The following HBS1L variants were observed in gnomAD, a reference collection of about 807,000 sequenced individuals.
HBS1L encodes the protein HBS1-like protein.
HBS1L carries 55 observed loss-of-function variants against 88.9 expected under a neutral mutation model. The ratio of observed to expected loss-of-function variants is 0.62; its 90% CI spans 0.50 to 0.77. The LOEUF (loss-of-function observed/expected upper bound fraction) is 0.77. Ranked by LOEUF, HBS1L falls within the 30% of genes least tolerant of loss-of-function variation. The pLI, the probability that HBS1L is intolerant of heterozygous loss-of-function variation, is 0.00. For synonymous variants in HBS1L, 267 were observed against 288.5 expected, an observed-to-expected ratio of 0.93 and a Z score of 0.76; for missense variants, 741 against 829.3, an observed-to-expected ratio of 0.89 and a Z score of 1.31.
At position 134,982,620 on chromosome 6, in the gene HBS1L, C is replaced by A. The variant is rs556175375; in HGVS notation, c.1493-58G>T. On this transcript the variant is annotated intron_variant, in intron 12 of 17. Transcript: ENST00000367837. The stretch of plus-strand genomic sequence containing the variant: ...CAGCAATGTTATCTGATGATTAATA[C>A]CGTTAACTATACTTAGTTCTCAAGT... The A allele has an allele frequency of 3.7e-4, 339 of 905,308 alleles. 1 individual carries two copies. In the South Asian group the frequency reaches 4.6e-3, roughly 12 times the overall value. 56.1% of individuals were successfully genotyped at this position (905,308 alleles called of 1,614,324 possible). A position where few individuals can be genotyped will look rare whatever the true frequency, so the allele number is the denominator to read the frequency against.
chr6:135,040,628 G>A (rs1776705192), intron 3 of HBS1L, among the ~76,000 whole-genome samples: 1 of 152,040 alleles, frequency 6.6e-6, no homozygotes, highest in Non-Finnish European at 1.5e-5. Context: ...GGGATTACAA[G>A]CGTGAGCCAC....
intron 4 of HBS1L, among the ~76,000 whole-genome samples, chr6:135,018,238 T>A (rs1775977508): frequency 6.6e-6 from 1 of 152,084 alleles, no homozygotes; most frequent in South Asian, 2.1e-4. Context: ...ATTCAGAAAG[T>A]ACACCACCTC....
Position 135,037,196 on chromosome 6 carries a change from G to A in HBS1L, c.430+2377C>T, listed in dbSNP as rs193183969. ...GATATTCCGGGTGAAGACTGACAGC[G>A]ATTTGCTAATTGTGACAGGGGAAAG... On this transcript the variant is annotated intron_variant, in intron 4 of 17. Coordinates refer to ENST00000367837, the MANE Select transcript of HBS1L (RefSeq NM_006620.4). The A allele has an allele frequency of 2.9e-3, 4,519 of 1,551,756 alleles. 12 individuals carry two copies. Among genetic ancestry groups the A allele is most frequent in the Non-Finnish European group, 3.6e-3 (4,125 of 1,146,990 alleles).
intron 5 of HBS1L, 32 bp from the exon 6 acceptor site, chr6:134,997,688 A>C (rs1340947580): frequency 6.2e-7 from 1 of 1,601,050 alleles, no homozygotes; most frequent in African/African-American, 1.3e-5. Context: ...AAAGTATTTG[A>C]AACCAACTCT....
chr6:135,032,163 T>A (rs1283541978), intron 4 of HBS1L, among the ~76,000 whole-genome samples: 2 of 152,066 alleles, frequency 1.3e-5, no homozygotes, highest in Non-Finnish European at 2.9e-5. Context: ...AGTTTGTTTT[T>A]TAATTTGTTT....
chr6:134,994,123 ATTATC>A (rs1236919245), intron 7 of HBS1L, among the ~76,000 whole-genome samples: 1 of 152,142 alleles, frequency 6.6e-6, no homozygotes, highest in Non-Finnish European at 1.5e-5. Flanking sequence ...GTTATGCCCT[ATTATC>A]TTATTTGTTT....
At chr6:134,984,402 G>A (rs1299643114) in intron 12 of HBS1L, among the ~76,000 whole-genome samples, 1 of 152,178 alleles carries the variant, frequency 6.6e-6, no homozygotes, top group African/African-American at 2.4e-5. Context: ...CATAATCTAA[G>A]TGGGATAAAC....
chr6:135,050,045 T>C (rs1461409803), intron 2 of HBS1L, among the ~76,000 whole-genome samples: 1 of 152,250 alleles, frequency 6.6e-6, no homozygotes, highest in Non-Finnish European at 1.5e-5. Context: ...AGAAGAAATC[T>C]TTGGGCTGAT....
At chr6:135,009,736 C>A (rs1775719484) in intron 4 of HBS1L, among the ~76,000 whole-genome samples, 1 of 151,980 alleles carries the variant, frequency 6.6e-6, no homozygotes, top group African/African-American at 2.4e-5. Context: ...TGGGTTCACG[C>A]CATTCTCCGA....
In HBS1L at chr6:134,979,259, A is replaced by G; in HGVS notation, c.1607T>C (p.Leu536Pro). 6.2e-7 allele frequency: 1 copy of G among 1,611,492 alleles called. No homozygotes were observed. Among genetic ancestry groups the G allele is most frequent in the Non-Finnish European group, 8.5e-7 (1 of 1,178,130 alleles). The change falls in exon 14 of 18, where the codon CTG becomes CCG. Residue 536 changes from leucine (L) to proline (P), a missense_variant. Physicochemically the swap from Leu to Pro is moderately conservative, Grantham distance 98. Around this residue, in one of 3 missense-constraint regions of HBS1L, gnomAD observed 181 missense variants for 212.7 expected, o/e 0.85. Coordinates refer to ENST00000367837, the MANE Select transcript of HBS1L (RefSeq NM_006620.4). ...CGCCCAGTCGACAGGTTCATCATGC[A>G]GAGTGATTCCTGGAAATGAGTAAGA... ...NETCTVKGIT[L>P]HDEPVDWAAA...
chr6:135,008,071 A>G (rs1308515908), intron 4 of HBS1L, among the ~76,000 whole-genome samples: 3 of 152,200 alleles, frequency 2.0e-5, no homozygotes, highest in Non-Finnish European at 4.4e-5. Flanking sequence ...CTAGCCCACT[A>G]TGAGATAAAA....
chr6:134,987,111 T>C (rs1774999789), intron 9 of HBS1L, among the ~76,000 whole-genome samples: 1 of 152,010 alleles, frequency 6.6e-6, no homozygotes, highest in South Asian at 2.1e-4. Context: ...CAAAAGTAAA[T>C]GTTTAATAAA....
At chr6:135,019,576 C>T (rs945459531) in intron 4 of HBS1L, among the ~76,000 whole-genome samples, 11 of 151,778 alleles carry the variant, frequency 7.2e-5, no homozygotes, top group African/African-American at 2.4e-4. Context: ...ATAGATTCGG[C>T]GTAATCCTTA....
chr6:134,983,386 G>C (rs1774888492), intron 12 of HBS1L: 1 of 152,112 alleles, frequency 6.6e-6, no homozygotes, highest in African/African-American at 2.4e-5. Flanking sequence ...ACTTACTACA[G>C]AAAGGGAATA....
chr6:135,039,371 A>G (rs1214666140), intron 4 of HBS1L, among the ~76,000 whole-genome samples: 1 of 152,072 alleles, frequency 6.6e-6, no homozygotes, highest in Non-Finnish European at 1.5e-5. Flanking sequence ...ATAACCACAA[A>G]AACAGGCTAC....
At chr6:134,991,770 T>C (rs1775146017) in intron 8 of HBS1L, among the ~76,000 whole-genome samples, 1 of 152,198 alleles carries the variant, frequency 6.6e-6, no homozygotes, top group South Asian at 2.1e-4. Flanking sequence ...CAAATGTTCA[T>C]GTTAAAATTC....
intron 17 of HBS1L, among the ~76,000 whole-genome samples, chr6:134,965,718 A>C (rs1774293974): frequency 6.6e-6 from 1 of 152,214 alleles, no homozygotes; most frequent in South Asian, 2.1e-4. Flanking sequence ...AAACTGGTGG[A>C]GCAAGAACAC....
intron 1 of HBS1L, among the ~76,000 whole-genome samples, chr6:135,053,255 G>A (rs1007510331): frequency 6.6e-6 from 1 of 152,036 alleles, no homozygotes; most frequent in Non-Finnish European, 1.5e-5. Context: ...CTCCCATAGC[G>A]TTTTCTCAGT....
At chr6:134,966,923 T>A (rs1774332558) in intron 16 of HBS1L, among the ~76,000 whole-genome samples, 1 of 147,446 alleles carries the variant, frequency 6.8e-6, no homozygotes, top group African/African-American at 2.7e-5. Context: ...ATTTATGGAA[T>A]GTGTATTAGG....
Sources: allele counts gnomAD v4.1 joint callset (sites outside exome capture counted in the v4.1 genomes callset), GRCh38; gene constraint gnomAD v4.1.1; regional missense constraint gnomAD v4.1.1; transcripts MANE v1.5; gene names NCBI Gene and HGNC (gene_info 2026-07-23, HGNC 2026-07-21).